The following ACACA variants were observed in gnomAD, a reference collection of about 807,000 sequenced individuals.
ACACA encodes the protein acetyl-CoA carboxylase alpha, also known as acetyl-CoA carboxylase 1.
Under a neutral mutation model 296.1 loss-of-function variants are expected in ACACA, and 103 were observed. That is an observed-to-expected ratio of 0.35 (90% CI 0.30 to 0.41). The LOEUF (loss-of-function observed/expected upper bound fraction) is 0.41. Ranked by LOEUF, ACACA falls within the 10% of genes least tolerant of loss-of-function variation. The pLI is 1.00. For missense variants in ACACA, 1,554 were observed against 2,989.7 expected, an observed-to-expected ratio of 0.52 and a Z score of 11.20; for synonymous variants, 953 against 1,038.6, an observed-to-expected ratio of 0.92 and a Z score of 1.58.
chr17:37,202,692 TATATATATATATATATATATAC>T (rs1373053375), intron 33 of ACACA, among the ~76,000 whole-genome samples: 3 of 17,088 alleles, frequency 1.8e-4, no homozygotes, highest in Non-Finnish European at 3.0e-4. Flanking sequence ...TATATATATA[TATATATATATATATATATATAC>T]ACACACACAT....
intron 1 of ACACA, among the ~76,000 whole-genome samples, chr17:37,401,597 T>C (rs540047902): frequency 6.6e-6 from 1 of 151,820 alleles, no homozygotes; most frequent in East Asian, 1.9e-4. Flanking sequence ...TCTCACTCTG[T>C]TGCCCAGGCT....
chr17:37,311,449 C>T (rs1314498228), intron 3 of ACACA, among the ~76,000 whole-genome samples: 1 of 151,854 alleles, frequency 6.6e-6, no homozygotes, highest in Admixed American at 6.6e-5. Flanking sequence ...CACATACATA[C>T]ATATGCATGA....
chr17:37,338,003 A>G (rs1444172682), intron 2 of ACACA, among the ~76,000 whole-genome samples: 1 of 151,902 alleles, frequency 6.6e-6, no homozygotes. Context: ...AGGCTGAGGC[A>G]GGAGTATGGC....
chr17:37,250,812 T>C (rs904865588), intron 16 of ACACA, among the ~76,000 whole-genome samples: 1 of 151,944 alleles, frequency 6.6e-6, no homozygotes, highest in Non-Finnish European at 1.5e-5. Context: ...GATCACAAGG[T>C]CAGGAGATTG....
chr17:37,362,866 T>C (rs1271162948), intron 1 of ACACA, among the ~76,000 whole-genome samples: 1 of 151,136 alleles, frequency 6.6e-6, no homozygotes, highest in East Asian at 2.0e-4. Context: ...TCCCCGCTAC[T>C]CCGGAGGCTG....
chr17:37,317,781 T>C (rs1297484929), intron 3 of ACACA, among the ~76,000 whole-genome samples: 1 of 152,200 alleles, frequency 6.6e-6, no homozygotes, highest in African/African-American at 2.4e-5. Context: ...CATAATTTCA[T>C]TTCCACAATT....
chr17:37,265,043 T>C (rs1321154576), intron 10 of ACACA, among the ~76,000 whole-genome samples: 1 of 152,228 alleles, frequency 6.6e-6, no homozygotes, highest in Non-Finnish European at 1.5e-5. Flanking sequence ...AGGTGGCTTC[T>C]CATCCTGCAG....
At chr17:37,221,158 G>A (rs1433823885) in intron 29 of ACACA, among the ~76,000 whole-genome samples, 1 of 152,146 alleles carries the variant, frequency 6.6e-6, no homozygotes, top group African/African-American at 2.4e-5. Context: ...AAGACAGGAA[G>A]GGACAAATAA....
At chr17:37,328,823 A>G (rs2047732532) in intron 3 of ACACA, 2 of 398,306 alleles carry the variant, frequency 5.0e-6, no homozygotes, top group Non-Finnish European at 4.4e-6. Flanking sequence ...GCTGTACACA[A>G]CAATCACCTG....
At chr17:37,248,426 A>T (rs2146042821) in intron 17 of ACACA, among the ~76,000 whole-genome samples, 167 bp downstream of exon 17, 1 of 152,284 alleles carries the variant, frequency 6.6e-6, no homozygotes, top group Non-Finnish European at 1.5e-5. Flanking sequence ...AACAAAAAAG[A>T]TTTTCATAGA....
intron 50 of ACACA, among the ~76,000 whole-genome samples, chr17:37,117,819 T>C (rs1297644800): frequency 6.6e-6 from 1 of 151,154 alleles, no homozygotes; most frequent in African/African-American, 2.4e-5. Context: ...CTAATGTCAA[T>C]TTTCAGCATA....
At chr17:37,391,809 T>C in intron 1 of ACACA, 1 of 1,188,258 alleles carries the variant, frequency 8.4e-7, no homozygotes, top group Admixed American at 1.7e-5. Flanking sequence ...AATTTCACAC[T>C]TGTATCTTCA....
intron 3 of ACACA, among the ~76,000 whole-genome samples, chr17:37,329,873 G>A (rs1015953143): frequency 5.3e-5 from 8 of 150,222 alleles, no homozygotes; most frequent in Admixed American, 1.3e-4. Context: ...CCCAGGAGGC[G>A]GAGGTTGCAG....
intron 1 of ACACA, chr17:37,359,166 GC>G (rs1319972017): frequency 1.2e-6 from 1 of 847,380 alleles, no homozygotes; most frequent in East Asian, 1.2e-4. Flanking sequence ...ACCCGCCCCC[GC>G]CCCGCCCCTG....
intron 35 of ACACA, among the ~76,000 whole-genome samples, chr17:37,193,647 C>T (rs1296359392): frequency 1.3e-5 from 2 of 152,062 alleles, no homozygotes; most frequent in African/African-American, 4.8e-5. Context: ...AGTATCTACC[C>T]TCTCCCAGGG....
intron 27 of ACACA, 94 bp downstream of exon 27, chr17:37,224,898 T>C (rs937389189): frequency 9.7e-6 from 5 of 515,212 alleles, no homozygotes; most frequent in South Asian, 4.5e-5. Flanking sequence ...ATTAATTAAT[T>C]AAGTGACTAA....
At chr17:37,137,644 G>T (rs1224927572) in intron 45 of ACACA, among the ~76,000 whole-genome samples, 1 of 152,256 alleles carries the variant, frequency 6.6e-6, no homozygotes, top group East Asian at 1.9e-4. Flanking sequence ...TCATATTAGT[G>T]TTATAATGTG....
intron 3 of ACACA, among the ~76,000 whole-genome samples, chr17:37,298,200 T>G (rs1474217464): frequency 6.6e-6 from 1 of 151,370 alleles, no homozygotes; most frequent in Non-Finnish European, 1.5e-5. Context: ...GTGGAAGAAG[T>G]GGTAAAAAAG....
chr17:37,347,962 A>C (rs1353981187), intron 1 of ACACA, among the ~76,000 whole-genome samples: 1 of 152,072 alleles, frequency 6.6e-6, no homozygotes, highest in African/African-American at 2.4e-5. Flanking sequence ...ACCTGAGGTC[A>C]GGAGTTCAAG....
Sources: gnomAD v4.1 joint callset for allele counts (sites outside exome capture counted in the v4.1 genomes callset) on GRCh38, gnomAD v4.1.1 for gene constraint, MANE v1.5 for transcripts, NCBI Gene and HGNC (gene_info 2026-07-23, HGNC 2026-07-21) for gene names.